NUMA1: variants seen among roughly 807,000 people sequenced by gnomAD.
NUMA1 encodes nuclear mitotic apparatus protein 1, also known as SP-H antigen.
In NUMA1, 62 loss-of-function variants were observed where a neutral mutation model predicts 237.1. The observed-to-expected ratio is 0.26, with a 90% CI of 0.21 to 0.32. NUMA1 has a LOEUF of 0.32. Among genes scored for constraint, NUMA1 ranks in the 10% least tolerant of loss-of-function variants. NUMA1 has a pLI of 1.00. For missense variants in NUMA1, 2,533 were observed against 2,666.5 expected, an observed-to-expected ratio of 0.95 and a Z score of 1.10; for synonymous variants, 1,028 against 1,066.1, an observed-to-expected ratio of 0.96 and a Z score of 0.70.
chr11:72,049,121 C>T (rs1454260688), intron 2 of NUMA1, among the ~76,000 whole-genome samples: 1 of 152,174 alleles, frequency 6.6e-6, no homozygotes, highest in African/African-American at 2.4e-5. Context: ...AACCTCTCCA[C>T]CCTGTTTCAC....
At chr11:72,006,009 A>C in intron 22 of NUMA1, 26 bp downstream of exon 22, 1 of 1,542,716 alleles carries the variant, frequency 6.5e-7, no homozygotes, top group Non-Finnish European at 8.9e-7. Context: ...ATTTTGGGGT[A>C]TAGTAAGTCC....
intron 20 of NUMA1, chr11:72,007,770 G>A (rs1009540251): frequency 2.6e-6 from 1 of 388,778 alleles, no homozygotes; most frequent in Non-Finnish European, 4.8e-6. Flanking sequence ...TCAGTGAATA[G>A]GAACGCCCCC....
rs562495829 is a variant in NUMA1, at chr11:72,020,989, A to G, written c.460+215T>C. On this transcript the variant is annotated intron_variant, in intron 8 of 26. Transcript: ENST00000393695. ...ATGATCACTTGTAAATATCCTACAT[A>G]ACTGCTGCCAGGCAGCAAGGAGGAG... 7.4e-6 allele frequency: 4 copies of G among 542,078 alleles called. No individual in the cohort carries two copies. In the Admixed American group the frequency reaches 1.3e-4, roughly 18 times the overall value. 33.6% of individuals were successfully genotyped at this position (542,078 alleles called of 1,614,324 possible). A position where few individuals can be genotyped will look rare whatever the true frequency, so the allele number is the denominator to read the frequency against.
intron 24 of NUMA1, 37 bp from the exon 25 acceptor site, chr11:72,004,378 G>C: frequency 6.4e-7 from 1 of 1,571,588 alleles, no homozygotes; most frequent in Non-Finnish European, 8.7e-7. Context: ...ACAGTAGCAA[G>C]AGGAGTCACA....
intron 3 of NUMA1, among the ~76,000 whole-genome samples, chr11:72,035,555 C>T (rs4944259): frequency 0.89 from 134,499 of 151,780 alleles, 59,880 homozygotes; most frequent in Non-Finnish European, 0.95. Context: ...TTACAGGTGC[C>T]CGCCACCACA....
At chr11:72,022,494 G>A (rs1342616382) in intron 6 of NUMA1, 75 bp from the exon 7 acceptor site, 9 of 998,138 alleles carry the variant, frequency 9.0e-6, no homozygotes, top group Non-Finnish European at 1.4e-5. Context: ...GGCTGTTCTG[G>A]GGACTCTGAG....
intron 2 of NUMA1, chr11:72,047,803 G>C (rs911885047): frequency 2.0e-5 from 3 of 152,194 alleles, no homozygotes; most frequent in South Asian, 2.1e-4. Context: ...GTAAGTGACA[G>C]AGAAAAGACT....
At chr11:72,038,302 T>G (rs1354385374) in intron 2 of NUMA1, among the ~76,000 whole-genome samples, 1 of 152,188 alleles carries the variant, frequency 6.6e-6, no homozygotes, top group Non-Finnish European at 1.5e-5. Flanking sequence ...CAGGAGAGCC[T>G]GTCTAAAACT....
intron 2 of NUMA1, among the ~76,000 whole-genome samples, chr11:72,069,384 A>C (rs546141313): frequency 6.6e-6 from 1 of 152,194 alleles, no homozygotes; most frequent in East Asian, 1.9e-4. Flanking sequence ...TCCCAGCATA[A>C]TGCACCCACA....
At position 72,009,348 on chromosome 11, in the gene NUMA1, G is replaced by C. The variant is rs1335907064; in HGVS notation, c.4759C>G (p.Gln1587Glu). The change falls in exon 18 of 27, where the codon CAG becomes GAG. Residue 1587 changes from glutamine (Q) to glutamate (E), a missense_variant. Coordinates refer to ENST00000393695, the MANE Select transcript of NUMA1 (RefSeq NM_006185.4). ...AQGGESQQEAQRLQAQLNELQ... is the reference protein window; with the variant it reads ...AQGGESQQEAERLQAQLNELQ... ...TCATTCAGCTGGGCCTGGAGGCGCTGGGCCTCCTGCTGGCTCTCGCCTCCC... is the reference window on the plus strand; with the variant it reads ...TCATTCAGCTGGGCCTGGAGGCGCTCGGCCTCCTGCTGGCTCTCGCCTCCC... 1.2e-6 allele frequency: 2 copies of C among 1,612,562 alleles called. No homozygotes were observed. The highest frequency in any genetic ancestry group is 2.7e-5 in the African/African-American group (2 of 75,004).
intron 4 of NUMA1, among the ~76,000 whole-genome samples, chr11:72,026,303 G>C (rs1423556999): frequency 6.6e-6 from 1 of 152,214 alleles, no homozygotes; most frequent in Non-Finnish European, 1.5e-5. Context: ...ATTTACAACT[G>C]CCCACTCCAA....
rs911662756 is a variant in NUMA1, at chr11:72,022,218, G to C, written c.372+121C>G. ...TTTCCCAGACTTTCTATGATGAATG[G>C]CAATAATTGCTATAACTGTATTTTT... On this transcript the variant is annotated intron_variant, in intron 7 of 26. Transcript: ENST00000393695. The C allele has an allele frequency of 3.9e-5, 23 of 592,662 alleles. No homozygotes were observed. In the African/African-American group the frequency reaches 4.0e-4, roughly 10 times the overall value. 36.7% of individuals were successfully genotyped at this position (592,662 alleles called of 1,614,324 possible). A position where few individuals can be genotyped will look rare whatever the true frequency, so the allele number is the denominator to read the frequency against.
chr11:72,019,250 T>C (rs1229525754), intron 9 of NUMA1, among the ~76,000 whole-genome samples: 1 of 152,114 alleles, frequency 6.6e-6, no homozygotes, highest in Admixed American at 6.5e-5. Context: ...AGAGACTTCA[T>C]TGTAGTCTCC....
At chr11:72,021,168 A>G in intron 8 of NUMA1, 36 bp downstream of exon 8, 1 of 1,495,936 alleles carries the variant, frequency 6.7e-7, no homozygotes, top group Non-Finnish European at 9.3e-7. Context: ...CCCATTTCAG[A>G]GATGAGGGGA....
chr11:72,023,110 T>TA lies in NUMA1; in HGVS notation c.245dup (p.Ser83IlefsTer38). 1 of 1,614,004 alleles carries TA rather than the reference T, an allele frequency of 6.2e-7. No individual in the cohort carries two copies. The highest frequency in any genetic ancestry group is 8.5e-7 in the Non-Finnish European group (1 of 1,179,950). ...ATCCCTCTAGCACCTTCTGTGCAGA[T>TA]ACCAGGCATTCTGGGGAAGAGGGAT... On this transcript the variant is annotated frameshift_variant, in exon 6 of 27. Coordinates refer to ENST00000393695, the MANE Select transcript of NUMA1 (RefSeq NM_006185.4). LOFTEE classifies it high-confidence loss of function.
chr11:72,009,377 G>C lies in NUMA1; in HGVS notation c.4730C>G (p.Ala1577Gly). 8 of 1,605,048 alleles carry C rather than the reference G, an allele frequency of 5.0e-6. No homozygotes were observed. Among genetic ancestry groups the C allele is most frequent in the Non-Finnish European group, 5.9e-6 (7 of 1,178,246 alleles). ...CTCCTGCTGGCTCTCGCCTCCCTGA[G>C]CCTGGACAGCCTGAGAAGAAAGGCC... ...VQQQKLKAVQAQGGESQQEAQ... is the reference protein window; with the variant it reads ...VQQQKLKAVQGQGGESQQEAQ... The change falls in exon 18 of 27, where the codon GCT becomes GGT. Residue 1577 changes from alanine to glycine, a missense_variant. Coordinates refer to ENST00000393695, the MANE Select transcript of NUMA1 (RefSeq NM_006185.4).
intron 1 of NUMA1, chr11:72,070,201 A>G (rs482197): frequency 0.93 from 141,173 of 152,274 alleles, 65,683 homozygotes; most frequent in Non-Finnish European, 0.98. Context: ...AAGCCAGAAA[A>G]CTTCTTCCTC....
chr11:72,056,635 T>TAAAAAAAAAAAAAAAA (rs59248999), intron 2 of NUMA1, among the ~76,000 whole-genome samples: 2 of 75,998 alleles, frequency 2.6e-5, no homozygotes, highest in African/African-American at 6.5e-5. Flanking sequence ...CCCATCTCTT[T>TAAAAAAAAAAAAAAAA]AAAAAAAAAA....
intron 8 of NUMA1, 112 bp downstream of exon 8, chr11:72,021,092 C>G (rs1431959583): frequency 6.0e-6 from 5 of 832,408 alleles, no homozygotes; most frequent in Non-Finnish European, 1.0e-5. Flanking sequence ...TGAGCATCAA[C>G]TCTGCCTTGT....
Sources: gnomAD v4.1 joint callset for allele counts (sites outside exome capture counted in the v4.1 genomes callset) on GRCh38, gnomAD v4.1.1 for gene constraint, MANE v1.5 for transcripts, NCBI Gene and HGNC (gene_info 2026-07-23, HGNC 2026-07-21) for gene names.